The following PTPRT variants were observed in gnomAD, a reference collection of about 807,000 sequenced individuals.
PTPRT encodes receptor-type tyrosine-protein phosphatase T.
A neutral mutation model predicts 176.8 loss-of-function variants in PTPRT; 56 were observed. The ratio of observed to expected loss-of-function variants is 0.32; its 90% CI spans 0.26 to 0.40. The LOEUF (loss-of-function observed/expected upper bound fraction) is 0.40, where lower values mean the gene tolerates loss of function less well. Ranked by LOEUF, PTPRT falls within the 10% of genes least tolerant of loss-of-function variation. The probability of loss-of-function intolerance (pLI) is 1.00; values close to 1 mark genes in which losing one functional copy is unlikely to be tolerated. For missense variants in PTPRT, 1,540 were observed against 1,908.2 expected (o/e 0.81, Z 3.60); for synonymous variants, 783 against 739.0 (o/e 1.06, Z -0.96).
At chr20:42,913,958 C>T (rs796550627) in intron 1 of PTPRT, among the ~76,000 whole-genome samples, 1 of 152,198 alleles carries the variant, frequency 6.6e-6, no homozygotes, top group African/African-American at 2.4e-5. Context: ...CATATTAATT[C>T]ATTCCCTAAT....
At chr20:42,049,705 C>G in the PTPRT span, among the ~76,000 whole-genome samples, 2,837 of 152,252 alleles carry the variant, frequency 0.019, 45 homozygotes, top group Middle Eastern at 0.058. Context: ...GGCTGGGGTA[C>G]AGAAATCCTC....
chr20:42,312,646 A>T (rs1005775307), intron 12 of PTPRT, among the ~76,000 whole-genome samples: 1 of 152,004 alleles, frequency 6.6e-6, no homozygotes, highest in Admixed American at 6.6e-5. Flanking sequence ...ATCCAATTCC[A>T]TTCCTGCCTG....
intron 7 of PTPRT, among the ~76,000 whole-genome samples, chr20:42,521,911 T>C (rs2072183985): frequency 6.6e-6 from 1 of 152,108 alleles, no homozygotes; most frequent in South Asian, 2.1e-4. Flanking sequence ...TATTTTCTTT[T>C]GAGGTCCAAA....
chr20:43,188,485 C>G (rs1009042015), intron 1 of PTPRT, among the ~76,000 whole-genome samples: 2 of 152,134 alleles, frequency 1.3e-5, no homozygotes, highest in Non-Finnish European at 2.9e-5. Context: ...GACGCTGTAC[C>G]TCCCCACAGG....
chr20:42,872,271 G>A (rs2078858421), intron 2 of PTPRT, among the ~76,000 whole-genome samples: 1 of 152,196 alleles, frequency 6.6e-6, no homozygotes, highest in Non-Finnish European at 1.5e-5. Flanking sequence ...TTAGAAAAGG[G>A]TAATTTCTCT....
At chr20:42,238,158 G>A (rs554262507) in intron 14 of PTPRT, among the ~76,000 whole-genome samples, 30 of 152,114 alleles carry the variant, frequency 2.0e-4, no homozygotes, top group Non-Finnish European at 3.4e-4. Flanking sequence ...AAATTTGCCC[G>A]AGGCTCTATA....
chr20:42,858,095 GAGTCA>G (rs566909974), intron 2 of PTPRT, among the ~76,000 whole-genome samples: 5 of 152,226 alleles, frequency 3.3e-5, no homozygotes, highest in Admixed American at 6.5e-5. Flanking sequence ...CTCTTCCATA[GAGTCA>G]ATCATGGATC....
At chr20:43,065,165 C>T (rs1296278527) in intron 1 of PTPRT, among the ~76,000 whole-genome samples, 2 of 152,338 alleles carry the variant, frequency 1.3e-5, no homozygotes, top group African/African-American at 4.8e-5. Context: ...AGGATAACTG[C>T]TACAGCAAAA....
At chr20:42,300,060 C>A (rs1024267963) in intron 12 of PTPRT, among the ~76,000 whole-genome samples, 4 of 151,252 alleles carry the variant, frequency 2.6e-5, no homozygotes, top group African/African-American at 9.7e-5. Context: ...GTGTTTGAGA[C>A]CAGCCTGGCC....
At chr20:42,174,770 C>A (rs778046976) in intron 16 of PTPRT, among the ~76,000 whole-genome samples, 4 of 152,144 alleles carry the variant, frequency 2.6e-5, no homozygotes, top group Admixed American at 2.0e-4. Flanking sequence ...TGAGTGAGAA[C>A]CCTGACACCA....
intron 9 of PTPRT, among the ~76,000 whole-genome samples, chr20:42,408,763 A>G (rs2425496): frequency 6.6e-6 from 1 of 152,140 alleles, no homozygotes; most frequent in Non-Finnish European, 1.5e-5. Context: ...GCTGCTATAA[A>G]AAAATACTTG....
At chr20:42,113,480 C>A (rs1987114936) in intron 22 of PTPRT, among the ~76,000 whole-genome samples, 2 of 152,226 alleles carry the variant, frequency 1.3e-5, no homozygotes, top group African/African-American at 4.8e-5. Flanking sequence ...ACGCCCTCAG[C>A]TGACAGGGGC....
At chr20:42,049,150 A>G in the PTPRT span, among the ~76,000 whole-genome samples, 3 of 152,206 alleles carry the variant, frequency 2.0e-5, no homozygotes, top group Admixed American at 1.3e-4. Flanking sequence ...AGCGAAGTAT[A>G]ACTGGAATAG....
At chr20:42,107,201 C>T (rs966509915) in intron 23 of PTPRT, among the ~76,000 whole-genome samples, 2 of 149,444 alleles carry the variant, frequency 1.3e-5, no homozygotes, top group Admixed American at 6.7e-5. Context: ...TATGTCTTTC[C>T]TATTTTCTAC....
intron 1 of PTPRT, among the ~76,000 whole-genome samples, chr20:43,076,457 G>T (rs2011282073): frequency 6.6e-6 from 1 of 151,548 alleles, no homozygotes; most frequent in Non-Finnish European, 1.5e-5. Context: ...AGGAAAAGAA[G>T]AAGCCTAATG....
intron 7 of PTPRT, among the ~76,000 whole-genome samples, chr20:42,655,113 G>A (rs2075102008): frequency 6.6e-6 from 1 of 152,148 alleles, no homozygotes; most frequent in South Asian, 2.1e-4. Context: ...GGAAAGGTAT[G>A]GAAGTAGCAA....
chr20:42,071,476 G>C (rs528473744), downstream of PTPRT, among the ~76,000 whole-genome samples: 1 of 152,206 alleles, frequency 6.6e-6, no homozygotes, highest in South Asian at 2.1e-4. Context: ...TGGGGCACTT[G>C]CTGAACATAT....
At chr20:42,496,299 T>G (rs984926797) in intron 7 of PTPRT, among the ~76,000 whole-genome samples, 2 of 152,154 alleles carry the variant, frequency 1.3e-5, no homozygotes, top group African/African-American at 4.8e-5. Flanking sequence ...CATTGCAATT[T>G]GTCTTTTTCA....
At chr20:42,611,111 G>C (rs1056173495) in intron 7 of PTPRT, among the ~76,000 whole-genome samples, 2 of 152,196 alleles carry the variant, frequency 1.3e-5, no homozygotes, top group Non-Finnish European at 2.9e-5. Context: ...GGGTGATCAT[G>C]AATACTACTG....
Sources: allele counts gnomAD v4.1 joint callset (sites outside exome capture counted in the v4.1 genomes callset), GRCh38; gene constraint gnomAD v4.1.1; transcripts MANE v1.5; gene names NCBI Gene and HGNC (gene_info 2026-07-23, HGNC 2026-07-21).